Variants in RBMS3 observed in about 807,000 individuals in gnomAD.
The protein encoded by RBMS3 is RNA-binding motif, single-stranded-interacting protein 3.
Under a neutral mutation model 66.8 loss-of-function variants are expected in RBMS3, and 27 were observed. The ratio of observed to expected loss-of-function variants is 0.40; its 90% CI spans 0.30 to 0.56. The LOEUF is 0.56. Among genes scored for constraint, RBMS3 ranks in the 20% least tolerant of loss-of-function variants. RBMS3 has a pLI of 0.40. For missense variants in RBMS3, 513 were observed against 549.5 expected, an observed-to-expected ratio of 0.93 and a Z score of 0.66; for synonymous variants, 188 against 183.0, an observed-to-expected ratio of 1.03 and a Z score of -0.22.
chr3:29,831,657 A>G (rs1173699091), intron 6 of RBMS3, among the ~76,000 whole-genome samples: 4 of 152,166 alleles, frequency 2.6e-5, no homozygotes, highest in Non-Finnish European at 5.9e-5. Flanking sequence ...TTCAAAATTC[A>G]TCAAATACTT....
chr3:29,720,655 T>C (rs1431105669), intron 4 of RBMS3, among the ~76,000 whole-genome samples: 1 of 151,892 alleles, frequency 6.6e-6, no homozygotes, highest in East Asian at 1.9e-4. Flanking sequence ...CTAAAGTGTG[T>C]GGAAATAATT....
At chr3:29,663,158 G>T (rs2050619832) in intron 4 of RBMS3, among the ~76,000 whole-genome samples, 1 of 152,094 alleles carries the variant, frequency 6.6e-6, no homozygotes, top group Non-Finnish European at 1.5e-5. Context: ...AATTAATGTT[G>T]CCTCTCCACA....
chr3:29,960,856 G>A (rs924896589), intron 12 of RBMS3, among the ~76,000 whole-genome samples: 1 of 152,042 alleles, frequency 6.6e-6, no homozygotes, highest in Non-Finnish European at 1.5e-5. Context: ...CACAGTGAAG[G>A]GACCCTGGGC....
intron 6 of RBMS3, among the ~76,000 whole-genome samples, chr3:29,835,483 T>A (rs969779827): frequency 2.0e-5 from 3 of 151,908 alleles, no homozygotes; most frequent in Admixed American, 1.3e-4. Context: ...GGAAGTATAC[T>A]GGAAAATTTA....
chr3:29,724,035 T>A (rs10510624), intron 4 of RBMS3, among the ~76,000 whole-genome samples: 4,226 of 152,102 alleles, frequency 0.028, 83 homozygotes, highest in Admixed American at 0.062. Context: ...ACAGTTTTGA[T>A]TAATGAGCCC....
At chr3:29,633,701 C>G (rs1049399938) in intron 4 of RBMS3, among the ~76,000 whole-genome samples, 9 of 151,794 alleles carry the variant, frequency 5.9e-5, no homozygotes, top group Non-Finnish European at 8.8e-5. Flanking sequence ...TTTGCCTACT[C>G]AAATTCCCAG....
intron 1 of RBMS3, among the ~76,000 whole-genome samples, chr3:29,428,040 G>C (rs867701834): frequency 6.6e-6 from 1 of 152,200 alleles, no homozygotes; most frequent in Non-Finnish European, 1.5e-5. Flanking sequence ...GTGGAACTGC[G>C]TATGTTGGAG....
chr3:29,868,849 T>A lies in RBMS3; in HGVS notation c.638-9T>A. 6.3e-7 allele frequency: 1 copy of A among 1,584,364 alleles called. No individual in the cohort carries two copies. Among genetic ancestry groups the A allele is most frequent in the Non-Finnish European group, 8.6e-7 (1 of 1,162,640 alleles). The stretch of plus-strand genomic sequence containing the variant: ...TTGTTAATGTAGAATTGGTTTCTTA[T>A]CTTCCCAGCCCCCAGTGAGCCTTTG... On this transcript the variant is annotated splice_polypyrimidine_tract_variant and intron_variant, in intron 6 of 14. Coordinates refer to ENST00000383767, the MANE Select transcript of RBMS3 (RefSeq NM_001003793.3).
At chr3:29,921,580 T>C (rs1224117458) in intron 10 of RBMS3, among the ~76,000 whole-genome samples, 2 of 152,052 alleles carry the variant, frequency 1.3e-5, no homozygotes, top group African/African-American at 4.8e-5. Flanking sequence ...ACCAGTGAGT[T>C]GACAACTGGC....
intron 10 of RBMS3, among the ~76,000 whole-genome samples, chr3:29,910,641 G>A (rs1264068448): frequency 6.6e-6 from 1 of 151,892 alleles, no homozygotes; most frequent in Non-Finnish European, 1.5e-5. Context: ...CTGCAATTTA[G>A]GATCATGGTT....
intron 4 of RBMS3, among the ~76,000 whole-genome samples, chr3:29,688,634 G>A (rs1206530839): frequency 7.9e-6 from 1 of 126,410 alleles, no homozygotes; most frequent in Non-Finnish European, 1.6e-5. Context: ...CCAGGCTGGA[G>A]TGCAATGGTG....
intron 3 of RBMS3, among the ~76,000 whole-genome samples, chr3:29,576,955 CCTGCTT>C (rs1430881786): frequency 2.0e-5 from 3 of 152,182 alleles, no homozygotes; most frequent in African/African-American, 7.2e-5. Flanking sequence ...ACCCTAAGAG[CCTGCTT>C]TTTGCTCTAT....
intron 6 of RBMS3, among the ~76,000 whole-genome samples, chr3:29,772,719 C>T (rs1316706010): frequency 6.6e-6 from 1 of 151,882 alleles, no homozygotes; most frequent in East Asian, 1.9e-4. Flanking sequence ...GGTAATCAGA[C>T]GTCACCTAGA....
intron 6 of RBMS3, among the ~76,000 whole-genome samples, chr3:29,840,402 G>C (rs973223767): frequency 5.3e-5 from 8 of 151,942 alleles, no homozygotes; most frequent in African/African-American, 9.6e-5. Flanking sequence ...TTGTGAGAAG[G>C]GTGGGCTTAT....
chr3:29,522,515 A>G (rs2044899935), intron 3 of RBMS3, among the ~76,000 whole-genome samples: 1 of 152,042 alleles, frequency 6.6e-6, no homozygotes. Context: ...TTCGAGGGAT[A>G]GTGGAAGGAA....
chr3:29,767,238 A>G (rs1576744702), intron 6 of RBMS3: 1 of 151,986 alleles, frequency 6.6e-6, no homozygotes, highest in Non-Finnish European at 1.5e-5. Flanking sequence ...AGGGACATGT[A>G]TTGATGAACA....
intron 4 of RBMS3, among the ~76,000 whole-genome samples, chr3:29,605,149 CT>C (rs2048280838): frequency 6.6e-6 from 1 of 151,658 alleles, no homozygotes; most frequent in South Asian, 2.1e-4. Context: ...TCCTCCTTTG[CT>C]TTTCCTCCTT....
chr3:29,457,041 C>G (rs7647910), intron 2 of RBMS3, among the ~76,000 whole-genome samples: 19,832 of 152,072 alleles, frequency 0.13, 2,871 homozygotes, highest in African/African-American at 0.35. Flanking sequence ...GACAGCACAG[C>G]CATGCTCAGA....
chr3:29,704,997 C>A (rs1264429341), intron 4 of RBMS3, among the ~76,000 whole-genome samples: 1 of 152,202 alleles, frequency 6.6e-6, no homozygotes, highest in Non-Finnish European at 1.5e-5. Context: ...TAAACTGTTA[C>A]CGCATGGTGT....
Sources: allele counts gnomAD v4.1 joint callset (sites outside exome capture counted in the v4.1 genomes callset), GRCh38; gene constraint gnomAD v4.1.1; transcripts MANE v1.5; gene names NCBI Gene and HGNC (gene_info 2026-07-23, HGNC 2026-07-21).